Variants in WWC1 observed in about 807,000 individuals in gnomAD.
The protein encoded by WWC1 is WW and C2 domain containing 1, also known as protein KIBRA.
Under a neutral mutation model 138.4 loss-of-function variants are expected in WWC1, and 55 were observed. The ratio of observed to expected loss-of-function variants is 0.40; its 90% confidence interval spans 0.32 to 0.50. WWC1 has a LOEUF of 0.50. Among genes scored for constraint, WWC1 ranks in the 20% least tolerant of loss-of-function variants. WWC1 has a pLI of 0.72. For synonymous variants in WWC1, 524 were observed against 564.9 expected (o/e 0.93, Z 1.03); for missense variants, 1,226 against 1,420.4 (o/e 0.86, Z 2.20).
chr5:168,463,396 G>C (rs901222141), intron 20 of WWC1, among the ~76,000 whole-genome samples: 2 of 152,294 alleles, frequency 1.3e-5, no homozygotes. Flanking sequence ...TCAGCTCCTA[G>C]AGGTCACTCT....
chr5:168,464,465 A>G (rs1329000144), intron 20 of WWC1, among the ~76,000 whole-genome samples: 1 of 152,166 alleles, frequency 6.6e-6, no homozygotes, highest in Non-Finnish European at 1.5e-5. Context: ...TGTGCAGATG[A>G]TAACCCTCGG....
intron 1 of WWC1, among the ~76,000 whole-genome samples, chr5:168,340,035 CCTTTCTTTTCTTTCTTT>C (rs1773912685): frequency 7.2e-6 from 1 of 138,320 alleles, no homozygotes; most frequent in African/African-American, 2.8e-5. Flanking sequence ...TCCTTTCTTT[CCTTTCTTTTCTTTCTTT>C]CTTTCTTTTC....
chr5:168,419,792 G>C (rs1056480191), intron 9 of WWC1, among the ~76,000 whole-genome samples: 17 of 152,114 alleles, frequency 1.1e-4, no homozygotes, highest in African/African-American at 2.9e-4. Context: ...GCCATTCCAG[G>C]GGCAAAGACA....
At chr5:168,414,877 C>A (rs12520079) in intron 9 of WWC1, 13 of 284,498 alleles carry the variant, frequency 4.6e-5, no homozygotes, top group East Asian at 1.3e-4. Flanking sequence ...CCACATAACT[C>A]TATATAACTT....
Position 168,304,469 on chromosome 5 carries a change from C to T in WWC1, c.119+12198C>T, listed in dbSNP as rs542860981. Among the ~76,000 whole-genome samples, 8 of 152,320 alleles carry T rather than the reference C, an allele frequency of 5.3e-5. 1 individual carries two copies. The East Asian group carries it at 1.3e-3, about 26-fold the overall frequency. On this transcript the variant is annotated intron_variant, in intron 1 of 22. Transcript: ENST00000265293. ...CAGTGGAGGACCTTGGGTTTTTCTT[C>T]AGCCTCTTCACTGGTCACGAGGCCC...
At chr5:168,403,333 G>A (rs1439674860) in intron 5 of WWC1, among the ~76,000 whole-genome samples, 3 of 151,946 alleles carry the variant, frequency 2.0e-5, no homozygotes, top group Non-Finnish European at 4.4e-5. Flanking sequence ...TCCTGACTTC[G>A]TGATCTGCCC....
In WWC1 at chr5:168,470,117, C is replaced by G. The variant is rs1175582010; in HGVS notation, c.*1100C>G. On this transcript the variant is annotated 3_prime_UTR_variant, in exon 23 of 23. Coordinates refer to ENST00000265293, the MANE Select transcript of WWC1 (RefSeq NM_015238.3). Reference sequence around the variant, plus strand: ...CTTGTGCTTCATGCTGCTCCTGTGGCCCCTATTCCTACCCAGCTCAGAGCT... The same window carrying G: ...CTTGTGCTTCATGCTGCTCCTGTGGGCCCTATTCCTACCCAGCTCAGAGCT... The G allele has an allele frequency of 6.6e-6, 1 of 152,228 alleles. No homozygotes were observed. The highest frequency in any genetic ancestry group is 2.4e-5 in the African/African-American group (1 of 41,434). 9.4% of individuals were successfully genotyped at this position (152,228 alleles called of 1,614,324 possible).
At chr5:168,360,377 T>TA (rs1456224035) in intron 1 of WWC1, among the ~76,000 whole-genome samples, 1 of 152,232 alleles carries the variant, frequency 6.6e-6, no homozygotes, top group African/African-American at 2.4e-5. Flanking sequence ...TTATTGCTAT[T>TA]ACTATTAAGC....
At chr5:168,409,336 G>A (rs1376930846) in intron 7 of WWC1, among the ~76,000 whole-genome samples, 1 of 152,208 alleles carries the variant, frequency 6.6e-6, no homozygotes, top group Non-Finnish European at 1.5e-5. Context: ...TGACCGGTGA[G>A]CCTTGTAGCT....
At chr5:168,452,966 T>G (rs897848266) in intron 17 of WWC1, among the ~76,000 whole-genome samples, 3 of 152,258 alleles carry the variant, frequency 2.0e-5, no homozygotes, top group African/African-American at 7.2e-5. Context: ...GGCTCACGCC[T>G]ATAATCCCAA....
chr5:168,340,750 G>A (rs1440555787), intron 1 of WWC1, among the ~76,000 whole-genome samples: 12 of 152,130 alleles, frequency 7.9e-5, no homozygotes, highest in Non-Finnish European at 1.6e-4. Flanking sequence ...TGGATATTTG[G>A]GTTATTCTCA....
intron 1 of WWC1, among the ~76,000 whole-genome samples, chr5:168,312,449 A>G (rs1353829943): frequency 6.6e-6 from 1 of 152,268 alleles, no homozygotes; most frequent in African/African-American, 2.4e-5. Flanking sequence ...GTCTGGCTCC[A>G]GAGCTTGTGG....
At chr5:168,367,400 C>T (rs992129067) in intron 1 of WWC1, among the ~76,000 whole-genome samples, 1 of 151,924 alleles carries the variant, frequency 6.6e-6, no homozygotes, top group African/African-American at 2.4e-5. Flanking sequence ...GGCGGGATCT[C>T]GGCTCACTGC....
At chr5:168,465,299 C>G (rs1273811978) in intron 21 of WWC1, among the ~76,000 whole-genome samples, 1 of 152,184 alleles carries the variant, frequency 6.6e-6, no homozygotes, top group Non-Finnish European at 1.5e-5. Flanking sequence ...ACAGCACGCA[C>G]TTTAAAAGAG....
chr5:168,304,269 G>A (rs1408381635), intron 1 of WWC1, among the ~76,000 whole-genome samples: 5 of 152,140 alleles, frequency 3.3e-5, no homozygotes, highest in Non-Finnish European at 7.3e-5. Flanking sequence ...TTCTCTCTGA[G>A]CAAAATGTCC....
chr5:168,404,406 G>C (rs1364869040), intron 5 of WWC1, among the ~76,000 whole-genome samples: 1 of 152,214 alleles, frequency 6.6e-6, no homozygotes, highest in Non-Finnish European at 1.5e-5. Context: ...CCCGAGTCCT[G>C]GAAAGGAATA....
In WWC1 at chr5:168,336,594, A is replaced by AAC. The variant is rs1554093139; in HGVS notation, c.120-34828_120-34827dup. Among the ~76,000 whole-genome samples the AAC allele has an allele frequency of 1.5e-3, 219 of 147,114 alleles. 4 individuals are homozygous for AAC. Among genetic ancestry groups the AAC allele is most frequent in the South Asian group, 2.8e-3 (13 of 4,632 alleles). On this transcript the variant is annotated intron_variant, in intron 1 of 22. Transcript: ENST00000265293. ...CTCAAAAAAAAAAAAAAAAAAAAAAAACAATACCTTGTGATCTCCATCCTC... is the reference window on the plus strand; with the variant it reads ...CTCAAAAAAAAAAAAAAAAAAAAAAAACACAATACCTTGTGATCTCCATCCTC...
intron 15 of WWC1, among the ~76,000 whole-genome samples, chr5:168,435,379 T>C (rs920986675): frequency 6.6e-6 from 1 of 152,200 alleles, no homozygotes; most frequent in Admixed American, 6.5e-5. Flanking sequence ...CAGTATATCA[T>C]CATGCTGTTA....
intron 3 of WWC1, among the ~76,000 whole-genome samples, chr5:168,387,179 G>C (rs1778107186): frequency 6.6e-6 from 1 of 152,188 alleles, no homozygotes. Flanking sequence ...AATCCATTCT[G>C]TTGTCCCCAC....
Sources: allele counts gnomAD v4.1 joint callset (sites outside exome capture counted in the v4.1 genomes callset), GRCh38; gene constraint gnomAD v4.1.1; transcripts MANE v1.5; gene names NCBI Gene and HGNC (gene_info 2026-07-23, HGNC 2026-07-21).